Variants in ABCA1 observed in about 807,000 individuals in gnomAD.
The protein encoded by ABCA1 is ATP binding cassette subfamily A member 1.
A neutral mutation model predicts 262.5 loss-of-function variants in ABCA1; 133 were observed. That is an observed-to-expected ratio of 0.51 (90% CI 0.44 to 0.59). The LOEUF (loss-of-function observed/expected upper bound fraction) is 0.59. Ranked by LOEUF, ABCA1 falls within the 20% of genes least tolerant of loss-of-function variation. ABCA1 has a pLI of 0.00. For synonymous variants in ABCA1, 1,022 were observed against 1,043.5 expected (o/e 0.98, Z 0.40); for missense variants, 2,452 against 2,777.5 (o/e 0.88, Z 2.63).
At chr9:104,917,437 CTA>C (rs138059888) in intron 1 of ABCA1, among the ~76,000 whole-genome samples, 17,055 of 152,076 alleles carry the variant, frequency 0.11, 1,172 homozygotes, top group African/African-American at 0.2. Flanking sequence ...CTTCTTCAGC[CTA>C]TATATAACAT....
chr9:104,801,276 G>T (rs1348240328), intron 34 of ABCA1, among the ~76,000 whole-genome samples: 1 of 150,764 alleles, frequency 6.6e-6, no homozygotes, highest in Non-Finnish European at 1.5e-5. Context: ...CTGGAGTGCA[G>T]TGGTGCAATC....
intron 5 of ABCA1, among the ~76,000 whole-genome samples, chr9:104,862,651 G>GCCCCCCA (rs1564198183): frequency 1.5e-4 from 1 of 6,722 alleles, no homozygotes; most frequent in Non-Finnish European, 2.8e-4. Context: ...GGCCGGGCCG[G>GCCCCCCA]GCCGGGCCGG....
Position 104,798,560 on chromosome 9 carries a change from A to G in ABCA1, c.4982T>C (p.Val1661Ala), listed in dbSNP as rs1269313427. Residue 1661 changes from valine (V) to alanine (A), a missense_variant, in exon 37 of 50, where the codon GTC (valine) becomes GCC (alanine). Coordinates refer to ENST00000374736, the MANE Select transcript of ABCA1 (RefSeq NM_005502.4). ...TGGGACGAAGGACATTGCAAAGATG[A>G]CACAGATGGACACAAGGACATCCAC... ...TSVDVLVSIC[V>A]IFAMSFVPAS... 1.2e-6 allele frequency: 2 copies of G among 1,614,224 alleles called. No homozygotes were observed. Among genetic ancestry groups the G allele is most frequent in the Non-Finnish European group, 1.7e-6 (2 of 1,180,018 alleles).
chr9:104,915,551 T>C (rs1379980542), intron 1 of ABCA1, among the ~76,000 whole-genome samples: 1 of 152,220 alleles, frequency 6.6e-6, no homozygotes, highest in South Asian at 2.1e-4. Flanking sequence ...ACATGAACTC[T>C]ATTATATGAG....
intron 11 of ABCA1, 152 bp downstream of exon 11, chr9:104,836,828 G>T: frequency 1.5e-6 from 1 of 670,752 alleles, no homozygotes; most frequent in Non-Finnish European, 2.7e-6. Context: ...CTTCTGGAGA[G>T]GTGGTGCCCT....
At chr9:104,861,232 C>T (rs1026599552) in intron 6 of ABCA1, among the ~76,000 whole-genome samples, 31 of 152,188 alleles carry the variant, frequency 2.0e-4, no homozygotes, top group Admixed American at 6.5e-5. Flanking sequence ...AGTGCCACTG[C>T]GTCCAGCCCT....
rs116888079 is a variant in ABCA1, at chr9:104,811,177, C to G, written c.4051-253G>C. ...ATGGCCACCTGGCAGAGGCACTAAG[C>G]CAAGAAGTTCACGAAGTAAATAGTG... On this transcript the variant is annotated intron_variant, in intron 28 of 49. Transcript: ENST00000374736. 7.7e-3 allele frequency among the ~76,000 whole-genome samples: 1,166 copies of G among 152,324 alleles called. 8 individuals carry two copies. Among genetic ancestry groups the G allele is most frequent in the Admixed American group, 0.015 (231 of 15,310 alleles).
chr9:104,805,830 C>T (rs112599817), intron 31 of ABCA1, among the ~76,000 whole-genome samples: 5,078 of 152,288 alleles, frequency 0.033, 329 homozygotes, highest in African/African-American at 0.12. Context: ...CAGGGCTGGG[C>T]GTAGTGGCTC....
At chr9:104,924,110 G>A (rs1169699556) in intron 1 of ABCA1, among the ~76,000 whole-genome samples, 1 of 152,168 alleles carries the variant, frequency 6.6e-6, no homozygotes, top group African/African-American at 2.4e-5. Context: ...TGCTATATAA[G>A]TGTCTATTCA....
chr9:104,802,039 CGATA>C lies in ABCA1; in HGVS notation c.4698+11_4698+14del, dbSNP rs774242151. 2.4e-5 allele frequency: 39 copies of C among 1,611,824 alleles called. No homozygotes were observed. The highest frequency in any genetic ancestry group is 3.3e-5 in the Non-Finnish European group (39 of 1,178,040). On this transcript the variant is annotated intron_variant, in intron 34 of 49. Coordinates refer to ENST00000374736, the MANE Select transcript of ABCA1 (RefSeq NM_005502.4). Reference sequence around the variant, plus strand: ...ATGCCCATTTTTCTGATACATCTTACGATAGATATTTTACCTTGGCCAGCTTTAG... The same window carrying C: ...ATGCCCATTTTTCTGATACATCTTACGATATTTTACCTTGGCCAGCTTTAG...
intron 5 of ABCA1, among the ~76,000 whole-genome samples, chr9:104,862,077 T>TACACAC (rs1204463779): frequency 1.1e-5 from 1 of 88,928 alleles, no homozygotes; most frequent in African/African-American, 4.7e-5. Flanking sequence ...CACACACACA[T>TACACAC]ACACACACAC....
At chr9:104,925,033 A>G (rs1475707594) in intron 1 of ABCA1, among the ~76,000 whole-genome samples, 1 of 152,198 alleles carries the variant, frequency 6.6e-6, no homozygotes, top group African/African-American at 2.4e-5. Flanking sequence ...CTCTTTTCCA[A>G]TCCTGCACTA....
At chr9:104,898,680 T>A (rs1265673643) in intron 2 of ABCA1, among the ~76,000 whole-genome samples, 1 of 152,128 alleles carries the variant, frequency 6.6e-6, no homozygotes, top group Non-Finnish European at 1.5e-5. Flanking sequence ...CCCGCCAGTC[T>A]TATTCACTCC....
intron 5 of ABCA1, among the ~76,000 whole-genome samples, chr9:104,876,341 G>A (rs767175001): frequency 2.6e-5 from 4 of 152,192 alleles, no homozygotes; most frequent in Non-Finnish European, 5.9e-5. Context: ...ATGTGAGGAC[G>A]CCCTATCCCG....
chr9:104,818,310 G>A (rs1416625167), intron 23 of ABCA1, among the ~76,000 whole-genome samples: 1 of 152,162 alleles, frequency 6.6e-6, no homozygotes, highest in African/African-American at 2.4e-5. Flanking sequence ...AAAAGTTAAG[G>A]TCAATGAGAT....
intron 1 of ABCA1, among the ~76,000 whole-genome samples, chr9:104,926,378 C>A (rs1488715045): frequency 6.6e-6 from 1 of 150,894 alleles, no homozygotes; most frequent in Non-Finnish European, 1.5e-5. Context: ...CTACACATAA[C>A]CCTGGCACCG....
At chr9:104,881,377 T>G (rs974199221) in intron 5 of ABCA1, among the ~76,000 whole-genome samples, 16 of 152,222 alleles carry the variant, frequency 1.1e-4, no homozygotes, top group Non-Finnish European at 1.3e-4. Flanking sequence ...AGATACTACA[T>G]TAGGTTTTAT....
At chr9:104,837,592 G>A (rs749578517) in intron 9 of ABCA1, 25 bp from the exon 10 acceptor site, 1 of 1,612,956 alleles carries the variant, frequency 6.2e-7, no homozygotes, top group Non-Finnish European at 8.5e-7. Context: ...AGAGACAAAT[G>A]CTCATATGCA....
In ABCA1 at chr9:104,786,888, A is replaced by C; in HGVS notation, c.6293T>G (p.Val2098Gly). ...TACTACGGACCTATGAGATGTAAGC[A>C]CTACTGATCTCCCCTCCTTGACAAC... ...LSVVKEGRSVVLTSHSMEECE... is the reference protein window; with the variant it reads ...LSVVKEGRSVGLTSHSMEECE... Residue 2098 changes from valine (V) to glycine (G), a missense_variant, in exon 47 of 50, where the codon GTG becomes GGG. Physicochemically the swap from Val to Gly is moderately radical, Grantham distance 109. Around this residue, in one of 4 missense-constraint regions of ABCA1, gnomAD observed 752 missense variants for 944.5 expected, o/e 0.80. Coordinates refer to ENST00000374736, the MANE Select transcript of ABCA1 (RefSeq NM_005502.4). 6.2e-7 allele frequency: 1 copy of C among 1,613,962 alleles called. No homozygotes were observed. Among genetic ancestry groups the C allele is most frequent in the Non-Finnish European group, 8.5e-7 (1 of 1,179,868 alleles).
Sources: allele counts gnomAD v4.1 joint callset (sites outside exome capture counted in the v4.1 genomes callset), GRCh38; gene constraint gnomAD v4.1.1; regional missense constraint gnomAD v4.1.1; transcripts MANE v1.5; gene names NCBI Gene and HGNC (gene_info 2026-07-23, HGNC 2026-07-21).